The following PIK3C3 variants were observed in gnomAD, a reference collection of about 807,000 sequenced individuals.
The protein encoded by PIK3C3 is phosphatidylinositol 3-kinase catalytic subunit type 3.
Under a neutral mutation model 126.1 loss-of-function variants are expected in PIK3C3, and 95 were observed. That is an observed-to-expected ratio of 0.75 (90% CI 0.64 to 0.89). PIK3C3 has a LOEUF of 0.89. Among genes scored for constraint, PIK3C3 ranks in the 40% least tolerant of loss-of-function variants. PIK3C3 has a pLI of 0.00. For missense variants in PIK3C3, 829 were observed against 1,063.2 expected, an observed-to-expected ratio of 0.78 and a Z score of 3.06; for synonymous variants, 374 against 360.0, an observed-to-expected ratio of 1.04 and a Z score of -0.44.
Position 41,996,728 on chromosome 18 carries a change from A to G in PIK3C3, c.982A>G (p.Lys328Glu). 6.9e-7 allele frequency: 1 copy of G among 1,442,102 alleles called. No individual in the cohort carries two copies. The highest frequency in any genetic ancestry group is 1.2e-5 in the South Asian group (1 of 81,004). The allele number at this position is 1,442,102 out of a possible 1,614,324, so 89.3% of individuals were successfully genotyped here. A position where few individuals can be genotyped will look rare whatever the true frequency, so the allele number is the denominator to read the frequency against. Residue 328 changes from lysine (K) to glutamate (E), a missense_variant and splice_region_variant, in exon 9 of 25, where the codon AAA becomes GAA. Lys to Glu is a moderately conservative substitution (Grantham distance 56, BLOSUM62 1). Around this residue, in one of 4 missense-constraint regions of PIK3C3, gnomAD observed 64 missense variants for 118.7 expected, o/e 0.54. Coordinates refer to ENST00000262039, the MANE Select transcript of PIK3C3 (RefSeq NM_002647.4). The part of the protein sequence containing the change: ...KFRYYLTNQE[K>E]ALTKFLKCVN... ...TAGATATTATCTTACGAATCAAGAA[A>G]AAGTGAGTGTCTTGAATATTTTCAT...
At chr18:41,964,643 T>G (rs1980264450) in intron 3 of PIK3C3, among the ~76,000 whole-genome samples, 1 of 152,140 alleles carries the variant, frequency 6.6e-6, no homozygotes, top group African/African-American at 2.4e-5. Context: ...TAAGGATAAT[T>G]CTTATTAGTC....
At chr18:42,066,383 A>T (rs1479196280) in intron 23 of PIK3C3, among the ~76,000 whole-genome samples, 2 of 151,668 alleles carry the variant, frequency 1.3e-5, no homozygotes, top group African/African-American at 4.9e-5. Context: ...TTCAAACACT[A>T]AATGGGGACC....
intron 21 of PIK3C3, chr18:42,050,704 A>G (rs949317444): frequency 6.6e-6 from 1 of 152,200 alleles, no homozygotes; most frequent in Non-Finnish European, 1.5e-5. Context: ...CATTTTTACT[A>G]CTTTGACCCC....
intron 12 of PIK3C3, among the ~76,000 whole-genome samples, chr18:42,017,407 T>C (rs1192363342): frequency 6.6e-6 from 1 of 152,122 alleles, no homozygotes; most frequent in Admixed American, 6.6e-5. Context: ...CCATGGGTCA[T>C]GAGAAGAAGT....
At chr18:42,001,331 A>G (rs538182664) in intron 9 of PIK3C3, among the ~76,000 whole-genome samples, 2 of 152,356 alleles carry the variant, frequency 1.3e-5, no homozygotes, top group African/African-American at 2.4e-5. Context: ...ATGTGCTTCA[A>G]TTTAGTCAGC....
chr18:42,025,371 T>G (rs1983519296), intron 13 of PIK3C3: 1 of 152,206 alleles, frequency 6.6e-6, no homozygotes, highest in Admixed American at 6.5e-5. Flanking sequence ...AGAACTGCTG[T>G]TTTTTGTTTT....
chr18:42,062,448 TTG>T (rs1555641295), intron 22 of PIK3C3, among the ~76,000 whole-genome samples: 2 of 152,016 alleles, frequency 1.3e-5, no homozygotes, highest in Non-Finnish European at 2.9e-5. Context: ...ATTTTTTTTT[TTG>T]TGATTTTTTA....
At chr18:42,060,181 C>T (rs561547289) in intron 22 of PIK3C3, among the ~76,000 whole-genome samples, 3 of 152,154 alleles carry the variant, frequency 2.0e-5, no homozygotes, top group East Asian at 1.9e-4. Context: ...CTAAGGTTAT[C>T]GGCACTTTTA....
intron 10 of PIK3C3, among the ~76,000 whole-genome samples, chr18:42,007,391 C>T (rs1018815988): frequency 6.6e-6 from 1 of 151,742 alleles, no homozygotes; most frequent in African/African-American, 2.4e-5. Context: ...TTTGTTCTTT[C>T]CATGAATTTT....
At chr18:41,994,994 TG>T (rs1433308017) in intron 7 of PIK3C3, among the ~76,000 whole-genome samples, 1 of 152,128 alleles carries the variant, frequency 6.6e-6, no homozygotes, top group Non-Finnish European at 1.5e-5. Context: ...GCTATATTCA[TG>T]CCAGTGTGCT....
chr18:41,955,686 CTCG>C (rs374729350), intron 1 of PIK3C3, among the ~76,000 whole-genome samples: 6 of 152,264 alleles, frequency 3.9e-5, no homozygotes, highest in African/African-American at 1.4e-4. Context: ...GAAATCAAGT[CTCG>C]TCGTAAGTAA....
At chr18:42,047,820 G>A (rs114157306) in intron 20 of PIK3C3, among the ~76,000 whole-genome samples, 1,570 of 152,318 alleles carry the variant, frequency 0.01, 32 homozygotes, top group African/African-American at 0.034. Flanking sequence ...AAGCTTTCAA[G>A]TGATAGTGAT....
chr18:42,003,090 A>C (rs1339510147), intron 9 of PIK3C3, among the ~76,000 whole-genome samples: 1 of 152,194 alleles, frequency 6.6e-6, no homozygotes, highest in Non-Finnish European at 1.5e-5. Context: ...TGCTGAGGTT[A>C]TATACAATTT....
intron 9 of PIK3C3, 54 bp downstream of exon 9, chr18:41,996,784 A>C (rs1982046565): frequency 2.2e-6 from 2 of 907,852 alleles, no homozygotes; most frequent in African/African-American, 3.4e-5. Context: ...CTTTGTTATT[A>C]ATGATCAAGA....
chr18:42,045,177 G>A (rs143935167), intron 20 of PIK3C3, among the ~76,000 whole-genome samples: 70 of 152,136 alleles, frequency 4.6e-4, no homozygotes, highest in Non-Finnish European at 7.6e-4. Context: ...TTTACTATAG[G>A]AATATAAACA....
intron 10 of PIK3C3, among the ~76,000 whole-genome samples, chr18:42,009,729 G>A (rs1016923816): frequency 7.8e-6 from 1 of 128,610 alleles, no homozygotes; most frequent in Non-Finnish European, 1.6e-5. Flanking sequence ...TGTACATTAT[G>A]TAATGCTTAC....
chr18:42,057,740 G>C (rs1288476711), intron 21 of PIK3C3, 143 bp from the exon 22 acceptor site: 4 of 703,038 alleles, frequency 5.7e-6, no homozygotes, highest in African/African-American at 1.9e-5. Flanking sequence ...CCTGCAGTTA[G>C]AAATATCGAA....
chr18:41,968,719 A>G (rs77337833), intron 3 of PIK3C3, among the ~76,000 whole-genome samples: 2,786 of 152,266 alleles, frequency 0.018, 51 homozygotes, highest in East Asian at 0.12. Context: ...ACCTTAGGAA[A>G]ATCTATGAAG....
intron 22 of PIK3C3, among the ~76,000 whole-genome samples, chr18:42,063,155 C>CTT (rs35571909): frequency 0.51 from 77,419 of 151,872 alleles, 21,852 homozygotes; most frequent in African/African-American, 0.76. Flanking sequence ...TAAGATGCCT[C>CTT]TCTCTCATTT....
Sources: allele counts gnomAD v4.1 joint callset (sites outside exome capture counted in the v4.1 genomes callset), GRCh38; gene constraint gnomAD v4.1.1; regional missense constraint gnomAD v4.1.1; transcripts MANE v1.5; gene names NCBI Gene and HGNC (gene_info 2026-07-23, HGNC 2026-07-21).